Variants in RIPOR2 observed in about 807,000 individuals in gnomAD.
RIPOR2 encodes RHO family interacting cell polarization regulator 2, also known as rho family-interacting cell polarization regulator 2.
In RIPOR2, 39 loss-of-function variants were observed where a neutral mutation model predicts 114.5. The ratio of observed to expected loss-of-function variants is 0.34; its 90% CI spans 0.26 to 0.44. The LOEUF (loss-of-function observed/expected upper bound fraction) is 0.44, where lower values mean the gene tolerates loss of function less well. Among genes scored for constraint, RIPOR2 ranks in the 20% least tolerant of loss-of-function variants. RIPOR2 has a pLI of 1.00. For synonymous variants in RIPOR2, 445 were observed against 484.4 expected (o/e 0.92, Z 1.07); for missense variants, 1,007 against 1,255.1 (o/e 0.80, Z 2.99).
intron 11 of RIPOR2, among the ~76,000 whole-genome samples, chr6:24,848,510 C>T (rs1362433133): frequency 2.6e-5 from 4 of 152,118 alleles, no homozygotes; most frequent in African/African-American, 4.8e-5. Flanking sequence ...CTGAACTTTG[C>T]GGGGCTAGAT....
intron 1 of RIPOR2, among the ~76,000 whole-genome samples, chr6:24,957,306 T>A (rs1773083596): frequency 6.6e-6 from 1 of 152,200 alleles, no homozygotes; most frequent in Non-Finnish European, 1.5e-5. Flanking sequence ...TCTTATTTAA[T>A]CCTCATAGCA....
At chr6:24,847,372 G>T (rs1213010395) in intron 12 of RIPOR2, among the ~76,000 whole-genome samples, 1 of 152,212 alleles carries the variant, frequency 6.6e-6, no homozygotes, top group African/African-American at 2.4e-5. Flanking sequence ...AGGACAAACT[G>T]CGTCTCTATC....
Position 24,828,586 on chromosome 6 carries a change from C to T in RIPOR2, c.2507-291G>A, listed in dbSNP as rs76732649. Among the ~76,000 whole-genome samples the T allele has an allele frequency of 8.3e-3, 1,271 of 152,250 alleles. 17 individuals carry two copies. Among genetic ancestry groups the T allele is most frequent in the African/African-American group, 0.022 (915 of 41,530 alleles). ...AGCTGGATGGTTTTGCACATGTGCACACCTGTGTAACTGCCATTTAGATCA... is the reference window on the plus strand; with the variant it reads ...AGCTGGATGGTTTTGCACATGTGCATACCTGTGTAACTGCCATTTAGATCA... On this transcript the variant is annotated intron_variant, in intron 17 of 21. Transcript: ENST00000643898.
chr6:24,935,465 C>T (rs770024933), intron 1 of RIPOR2, among the ~76,000 whole-genome samples: 5 of 152,000 alleles, frequency 3.3e-5, no homozygotes, highest in Non-Finnish European at 7.4e-5. Context: ...ATTTATTTAA[C>T]TTCTTCCCTA....
intron 1 of RIPOR2, among the ~76,000 whole-genome samples, chr6:24,950,533 G>A (rs950975969): frequency 7.9e-5 from 12 of 152,090 alleles, no homozygotes; most frequent in African/African-American, 1.7e-4. Flanking sequence ...TTTTCCTTAC[G>A]AAGTAAAAGG....
At chr6:24,867,376 G>A (rs1581651449) in intron 6 of RIPOR2, among the ~76,000 whole-genome samples, 1 of 152,324 alleles carries the variant, frequency 6.6e-6, no homozygotes, top group Non-Finnish European at 1.5e-5. Flanking sequence ...GATTCAGTAG[G>A]TTAGGGCTGG....
At chr6:24,847,180 T>G (rs1762392675) in intron 12 of RIPOR2, among the ~76,000 whole-genome samples, 1 of 152,196 alleles carries the variant, frequency 6.6e-6, no homozygotes, top group Admixed American at 6.5e-5. Flanking sequence ...CTTGAATGCC[T>G]GAGCTCAAGC....
At position 24,931,911 on chromosome 6, in the gene RIPOR2, C is replaced by T. The variant is rs941387417; in HGVS notation, c.61+3927G>A. 4 of 152,210 alleles carry T rather than the reference C, an allele frequency of 2.6e-5. 1 individual carries two copies. Among genetic ancestry groups the T allele is most frequent in the African/African-American group, 2.4e-5 (1 of 41,444 alleles). The allele number at this position is 152,210 out of a possible 1,614,324, so 9.4% of individuals were successfully genotyped here. A position where few individuals can be genotyped will look rare whatever the true frequency, so the allele number is the denominator to read the frequency against. On this transcript the variant is annotated intron_variant, in intron 1 of 21. Coordinates refer to ENST00000643898, the MANE Select transcript of RIPOR2 (RefSeq NM_001286445.3). The stretch of plus-strand genomic sequence containing the variant: ...ACTCACTGACCACCACCTGGTGAGC[C>T]GTTTGCTCCCACACGTGAATTCTGT...
In RIPOR2 at chr6:24,980,499, A is replaced by C. The variant is rs571634964; in HGVS notation, c.76+61352T>G. Among the ~76,000 whole-genome samples the C allele has an allele frequency of 3.9e-5, 6 of 152,340 alleles. No individual in the cohort carries two copies. In the South Asian group the frequency reaches 1.2e-3, roughly 32 times the overall value. ...TATTCCCTGATGTGAAGATAAGTTC[A>C]TGAGTAAGCCTGTGGTTTCCATCTC... On this transcript the variant is annotated intron_variant, in intron 1 of 13. Coordinates refer to the RIPOR2 transcript ENST00000510784.
chr6:24,969,733 C>T (rs189378246), intron 1 of RIPOR2, among the ~76,000 whole-genome samples: 158 of 152,258 alleles, frequency 1.0e-3, no homozygotes, highest in African/African-American at 3.6e-3. Flanking sequence ...ACTTGTGGGG[C>T]CAGCCATACA....
At chr6:24,892,604 A>G (rs1051457820) in intron 1 of RIPOR2, among the ~76,000 whole-genome samples, 1 of 152,038 alleles carries the variant, frequency 6.6e-6, no homozygotes, top group African/African-American at 2.4e-5. Flanking sequence ...TCATCTCATC[A>G]GCCTGGGTGA....
intron 1 of RIPOR2, among the ~76,000 whole-genome samples, chr6:25,035,007 C>T (rs372261647): frequency 6.6e-6 from 1 of 152,298 alleles, no homozygotes; most frequent in South Asian, 2.1e-4. Context: ...AGCAAGTATT[C>T]TTCTGAATGA....
At chr6:24,880,491 G>A (rs1307729427) in intron 1 of RIPOR2, among the ~76,000 whole-genome samples, 3 of 152,118 alleles carry the variant, frequency 2.0e-5, no homozygotes, top group Admixed American at 6.5e-5. Context: ...AATCTTTTCT[G>A]TATTATATTT....
chr6:24,839,154 T>G lies in RIPOR2; in HGVS notation c.1976A>C (p.Glu659Ala). ...SDFDEEEDGD[E>A]VCNVGGGADS... is the part of the protein sequence containing the mutation. ...AGCACCTCCGCCAACATTACAAACC[T>G]CATCACCATCCTCCTCCTCGTCAAA... Residue 659 changes from glutamate to alanine, a missense_variant, in exon 14 of 22, where the codon GAG becomes GCG. Transcript: ENST00000643898. 1 of 1,551,732 alleles carries G rather than the reference T, an allele frequency of 6.4e-7. No homozygotes were observed. The highest frequency in any genetic ancestry group is 8.7e-7 in the Non-Finnish European group (1 of 1,146,984).
intron 1 of RIPOR2, among the ~76,000 whole-genome samples, chr6:25,000,360 G>A (rs528754668): frequency 2.0e-5 from 3 of 152,122 alleles, no homozygotes; most frequent in African/African-American, 4.8e-5. Flanking sequence ...CTTCCTCCCC[G>A]ACTGTACTGT....
chr6:24,985,544 C>T (rs1358152403), intron 1 of RIPOR2, among the ~76,000 whole-genome samples: 1 of 152,148 alleles, frequency 6.6e-6, no homozygotes, highest in African/African-American at 2.4e-5. Context: ...TTACCCAGGA[C>T]ATCCAAGCTG....
intron 1 of RIPOR2, among the ~76,000 whole-genome samples, chr6:24,979,601 T>C (rs917004827): frequency 1.3e-5 from 2 of 152,320 alleles, no homozygotes. Flanking sequence ...AGCCTCCAGT[T>C]CTGCTTTGCT....
At chr6:25,004,986 TACACACACAC>T (rs58120451) in intron 1 of RIPOR2, among the ~76,000 whole-genome samples, 9,696 of 145,982 alleles carry the variant, frequency 0.066, 309 homozygotes, top group Non-Finnish European at 0.082. Flanking sequence ...TCAAATAGGC[TACACACACAC>T]ACACACACAC....
chr6:24,854,175 G>T (rs1763223992), intron 8 of RIPOR2, among the ~76,000 whole-genome samples: 2 of 151,890 alleles, frequency 1.3e-5, no homozygotes, highest in African/African-American at 4.8e-5. Context: ...TATGCATCAG[G>T]GAGGCAAACA....
Sources: gnomAD v4.1 joint callset for allele counts (sites outside exome capture counted in the v4.1 genomes callset) on GRCh38, gnomAD v4.1.1 for gene constraint, MANE v1.5 for transcripts, NCBI Gene and HGNC (gene_info 2026-07-23, HGNC 2026-07-21) for gene names.